Variants in ZNF273 observed in about 807,000 individuals in gnomAD.
The protein encoded by ZNF273 is zinc finger protein 9.
ZNF273 carries 11 observed loss-of-function variants against 14.9 expected under a neutral mutation model. The observed-to-expected ratio is 0.74, with a 90% CI of 0.46 to 1.22. The LOEUF (loss-of-function observed/expected upper bound fraction) is 1.22, where lower values mean the gene tolerates loss of function less well. Ranked by LOEUF, ZNF273 falls within the 50% of genes most tolerant of loss-of-function variation. The pLI, the probability that ZNF273 is intolerant of heterozygous loss-of-function variation, is 0.00. For synonymous variants in ZNF273, 199 were observed against 223.9 expected, an observed-to-expected ratio of 0.89 and a Z score of 0.99; for missense variants, 577 against 660.6, an observed-to-expected ratio of 0.87 and a Z score of 1.39.
chr7:64,926,281 G>A (rs1283720842), intron 3 of ZNF273, among the ~76,000 whole-genome samples: 1 of 151,672 alleles, frequency 6.6e-6, no homozygotes, highest in African/African-American at 2.4e-5. Flanking sequence ...TCATCTTACA[G>A]TTCCCAAGAT....
At chr7:64,881,968 C>T (rs76931238), downstream of ZNF273, among the ~76,000 whole-genome samples, 25 of 152,304 alleles carry the variant, frequency 1.6e-4, no homozygotes, top group African/African-American at 5.8e-4. Context: ...TCCTCACGTG[C>T]CCCCGTGGGA....
chr7:64,886,154 G>A (rs1293825753), intron 1 of ZNF273, among the ~76,000 whole-genome samples: 1 of 152,228 alleles, frequency 6.6e-6, no homozygotes, highest in Admixed American at 6.5e-5. Flanking sequence ...ACCTGTTGCA[G>A]AGCAGTTTTG....
chr7:64,886,696 T>G (rs772295061), intron 1 of ZNF273, among the ~76,000 whole-genome samples: 11 of 152,112 alleles, frequency 7.2e-5, no homozygotes, highest in African/African-American at 1.2e-4. Flanking sequence ...TGGTGAAGGA[T>G]CTTAACCAAA....
intron 3 of ZNF273, among the ~76,000 whole-genome samples, chr7:64,895,749 C>G (rs6953002): frequency 0.4 from 60,379 of 151,982 alleles, 13,489 homozygotes; most frequent in Admixed American, 0.49. Context: ...GCACATATAT[C>G]CAGTTGTGTT....
At chr7:64,887,942 A>T (rs1413207554) in intron 1 of ZNF273, among the ~76,000 whole-genome samples, 8 of 151,966 alleles carry the variant, frequency 5.3e-5, no homozygotes, top group Non-Finnish European at 1.0e-4. Context: ...TTGCATCCTG[A>T]TGGGGGAAGC....
In ZNF273 at chr7:64,903,288, C is replaced by G. The variant is rs536144689; in HGVS notation, c.-30C>G. On this transcript the variant is annotated 5_prime_UTR_variant, in exon 1 of 4. Transcript: ENST00000476120. ...CGGGGCCTTTGTCTCTCGCTGCAGT[C>G]GCAGCTCCAGGTCTCGTCTTCACTG... 8.8e-5 allele frequency: 138 copies of G among 1,565,074 alleles called. No homozygotes were observed. Among genetic ancestry groups the G allele is most frequent in the Non-Finnish European group, 1.1e-4 (127 of 1,138,848 alleles).
intron 1 of ZNF273, among the ~76,000 whole-genome samples, chr7:64,903,905 T>C (rs1792906690): frequency 6.6e-6 from 1 of 152,208 alleles, no homozygotes; most frequent in African/African-American, 2.4e-5. Flanking sequence ...GAAAGACTTT[T>C]ATAAGGTGTG....
downstream of ZNF273, chr7:64,889,759 G>A (rs553265530): frequency 9.6e-4 from 948 of 985,724 alleles, no homozygotes; most frequent in Middle Eastern, 1.6e-3. This position sits in a 1 kb window ranked among gnomAD's most constrained non-coding sequence, Gnocchi z 4.2. Context: ...GCCCCACGGG[G>A]CTCCAGGAGT....
At chr7:64,904,724 T>C (rs180871888) in intron 1 of ZNF273, among the ~76,000 whole-genome samples, 5 of 152,144 alleles carry the variant, frequency 3.3e-5, no homozygotes, top group Admixed American at 2.6e-4. Flanking sequence ...TTTAGAAAAA[T>C]TTTTTTCTGT....
intron 1 of ZNF273, among the ~76,000 whole-genome samples, chr7:64,912,085 A>G (rs905148914): frequency 6.6e-6 from 1 of 152,184 alleles, no homozygotes; most frequent in Non-Finnish European, 1.5e-5. Flanking sequence ...CAGCCTACCT[A>G]GTAGCTGGGA....
At chr7:64,900,687 C>T (rs912313859), upstream of ZNF273, among the ~76,000 whole-genome samples, 4 of 152,302 alleles carry the variant, frequency 2.6e-5, no homozygotes, top group South Asian at 6.2e-4. Flanking sequence ...GCCAGATTTT[C>T]ACACCTATGC....
At chr7:64,919,728 A>G (rs1299530696) in intron 3 of ZNF273, among the ~76,000 whole-genome samples, 1 of 152,166 alleles carries the variant, frequency 6.6e-6, no homozygotes, top group African/African-American at 2.4e-5. Flanking sequence ...TTTACCAGAT[A>G]GTTTAAGTGT....
rs959259680 is a variant in ZNF273 at position 64,930,430 on chromosome 7, C to A, written c.*1392C>A. On this transcript the variant is annotated 3_prime_UTR_variant, in exon 4 of 4. Coordinates refer to ENST00000476120, the MANE Select transcript of ZNF273 (RefSeq NM_021148.3). ...GTGAAAAATTTTTAATATTAAAATT[C>A]AATTATATCATTTTATGAATTGTGC... 6 of 151,976 alleles carry A rather than the reference C, an allele frequency of 3.9e-5. No homozygotes were observed. Among genetic ancestry groups the A allele is most frequent in the African/African-American group, 1.5e-4 (6 of 41,376 alleles). The allele number at this position is 151,976 out of a possible 1,614,324, so 9.4% of individuals were successfully genotyped here.
chr7:64,900,170 A>G (rs1244679999), upstream of ZNF273, among the ~76,000 whole-genome samples: 10 of 148,450 alleles, frequency 6.7e-5, no homozygotes, highest in Non-Finnish European at 1.3e-4. Flanking sequence ...TCTGTCACCC[A>G]GGCTGGAGTG....
chr7:64,922,765 G>A (rs2129095435), intron 3 of ZNF273, among the ~76,000 whole-genome samples: 1 of 152,060 alleles, frequency 6.6e-6, no homozygotes, highest in African/African-American at 2.4e-5. Flanking sequence ...AGGGGTTTGA[G>A]GCCAGCCTGG....
chr7:64,920,536 G>A (rs1014453780), intron 3 of ZNF273, among the ~76,000 whole-genome samples: 1 of 152,152 alleles, frequency 6.6e-6, no homozygotes, highest in Non-Finnish European at 1.5e-5. Flanking sequence ...GGAAGGGCAG[G>A]ACCTCTCCCA....
downstream of ZNF273, among the ~76,000 whole-genome samples, chr7:64,883,108 CG>C (rs1475320648): frequency 1.3e-5 from 2 of 151,850 alleles, no homozygotes. Context: ...CGCCTCTGTG[CG>C]GCTCTGCTTG....
chr7:64,919,618 G>A (rs1794284204), intron 3 of ZNF273, among the ~76,000 whole-genome samples: 1 of 152,136 alleles, frequency 6.6e-6, no homozygotes, highest in Admixed American at 6.5e-5. Flanking sequence ...GGGCAACAGA[G>A]CAAAACGGTC....
chr7:64,888,541 G>A (rs924202109), intron 1 of ZNF273: 1 of 985,708 alleles, frequency 1.0e-6, no homozygotes. Context: ...AAACCCATTC[G>A]TTCTTTATTA....
Sources: allele counts gnomAD v4.1 joint callset (sites outside exome capture counted in the v4.1 genomes callset), GRCh38; gene constraint gnomAD v4.1.1; non-coding constraint Gnocchi (gnomAD v3.1); transcripts MANE v1.5; gene names NCBI Gene and HGNC (gene_info 2026-07-23, HGNC 2026-07-21).